The following ACACB variants were observed in gnomAD, a reference collection of about 807,000 sequenced individuals.
ACACB encodes acetyl-CoA carboxylase 2.
Under a neutral mutation model 278.8 loss-of-function variants are expected in ACACB, and 209 were observed. The observed-to-expected ratio is 0.75, with a 90% CI of 0.67 to 0.84. ACACB has a LOEUF of 0.84. Ranked by LOEUF, ACACB falls within the 40% of genes least tolerant of loss-of-function variation. ACACB has a pLI of 0.00. For missense variants in ACACB, 2,850 were observed against 3,269.0 expected (o/e 0.87, Z 3.13); for synonymous variants, 1,174 against 1,285.6 (o/e 0.91, Z 1.86).
chr12:109,238,988 C>T (rs1447723821), intron 34 of ACACB, among the ~76,000 whole-genome samples: 3 of 152,086 alleles, frequency 2.0e-5, no homozygotes, highest in Non-Finnish European at 4.4e-5. Flanking sequence ...GTGATCTTGG[C>T]TCACTACCAC....
At chr12:109,242,371 C>A (rs1414737173) in intron 36 of ACACB, 66 bp from the exon 37 acceptor site, 8 of 1,543,410 alleles carry the variant, frequency 5.2e-6, no homozygotes, top group Non-Finnish European at 7.1e-6. Context: ...GAGGACTGGG[C>A]AGAAATAAAT....
intron 47 of ACACB, chr12:109,260,191 AG>A: frequency 1.4e-6 from 2 of 1,425,222 alleles, no homozygotes; most frequent in Non-Finnish European, 1.9e-6. Context: ...GGGGCAGGGC[AG>A]GGACAGTCAT....
intron 19 of ACACB, 60 bp downstream of exon 19, chr12:109,201,761 G>A: frequency 6.3e-7 from 1 of 1,583,580 alleles, no homozygotes. Context: ...GACCTCCACT[G>A]GTTCAGTGAG....
intron 27 of ACACB, among the ~76,000 whole-genome samples, chr12:109,226,987 G>A (rs1224142799): frequency 6.7e-6 from 1 of 149,458 alleles, no homozygotes; most frequent in Non-Finnish European, 1.5e-5. Context: ...ATTTTTCTCT[G>A]TTGCCCAGGC....
intron 1 of ACACB, among the ~76,000 whole-genome samples, chr12:109,133,760 C>T (rs2042889602): frequency 6.8e-6 from 1 of 148,088 alleles, no homozygotes; most frequent in Non-Finnish European, 1.5e-5. Flanking sequence ...TTCCTGAATG[C>T]AGTTTCAGAA....
intron 28 of ACACB, among the ~76,000 whole-genome samples, chr12:109,228,658 CAA>C (rs887136316): frequency 3.0e-4 from 22 of 72,536 alleles, no homozygotes; most frequent in Admixed American, 8.1e-4. Flanking sequence ...AACTCTGTCT[CAA>C]AAAAAAAAAA....
chr12:109,137,813 G>A (rs772646673), intron 1 of ACACB, among the ~76,000 whole-genome samples: 1 of 151,898 alleles, frequency 6.6e-6, no homozygotes, highest in Non-Finnish European at 1.5e-5. Context: ...TTGAAATAGG[G>A]TCTCACTCTG....
At chr12:109,264,162 A>G in intron 49 of ACACB, 70 bp from the exon 50 acceptor site, 1 of 1,542,816 alleles carries the variant, frequency 6.5e-7, no homozygotes, top group Non-Finnish European at 8.8e-7. Context: ...TTCAAAAAAA[A>G]AAAAAAATCT....
intron 1 of ACACB, among the ~76,000 whole-genome samples, chr12:109,135,956 C>A (rs914936545): frequency 2.0e-5 from 3 of 151,898 alleles, no homozygotes; most frequent in Admixed American, 6.6e-5. Context: ...ACTACAGGTG[C>A]CTGCCACCAT....
Position 109,260,644 on chromosome 12 carries a change from G to C in ACACB, c.6661G>C (p.Asp2221His). 1 of 1,580,406 alleles carries C rather than the reference G, an allele frequency of 6.3e-7. No individual in the cohort carries two copies. The highest frequency in any genetic ancestry group is 8.6e-7 in the Non-Finnish European group (1 of 1,164,036). The change falls in exon 48 of 53, where the codon GAC (aspartate) becomes CAC (histidine). Residue 2221 changes from aspartate (D) to histidine (H), a missense_variant. By Grantham distance (81) the Asp-to-His change is moderately conservative. Around this residue, in one of 3 missense-constraint regions of ACACB, gnomAD observed 579 missense variants for 684.6 expected, o/e 0.85. Coordinates refer to ENST00000338432, the MANE Select transcript of ACACB (RefSeq NM_001093.4). ...INPLCIEMYA[D>H]KESRGGVLEP... ...CCCGCTGTGCATAGAAATGTATGCA[G>C]ACAAAGAGAGCAGGTGGGTGTGTTG...
At chr12:109,228,977 G>T (rs985022485) in intron 28 of ACACB, among the ~76,000 whole-genome samples, 8 of 151,892 alleles carry the variant, frequency 5.3e-5, no homozygotes, top group Admixed American at 2.6e-4. Flanking sequence ...TATTTTTTTT[G>T]AGATGGAGTC....
intron 2 of ACACB, among the ~76,000 whole-genome samples, chr12:109,163,134 A>G (rs914934196): frequency 3.9e-5 from 6 of 152,134 alleles, no homozygotes; most frequent in South Asian, 2.1e-4. Flanking sequence ...CATGTTGTCC[A>G]TGCTGCTCTC....
chr12:109,187,239 C>T (rs969032782), intron 12 of ACACB, among the ~76,000 whole-genome samples: 5 of 151,974 alleles, frequency 3.3e-5, no homozygotes, highest in African/African-American at 1.2e-4. Context: ...CCCAGGATGC[C>T]CTGGATTTCT....
intron 1 of ACACB, among the ~76,000 whole-genome samples, chr12:109,128,329 TTTTTATTTTA>T (rs199506056): frequency 0.017 from 2,565 of 152,052 alleles, 67 homozygotes; most frequent in African/African-American, 0.058. Flanking sequence ...TTTTGGACTT[TTTTTATTTTA>T]TTTTATTTTA....
chr12:109,252,661 G>A (rs2047127537), intron 42 of ACACB: 1 of 186,460 alleles, frequency 5.4e-6, no homozygotes, highest in African/African-American at 2.3e-5. Flanking sequence ...CATCAGATGG[G>A]AACTTGTCAG....
At chr12:109,124,747 C>G (rs2042636429) in intron 1 of ACACB, among the ~76,000 whole-genome samples, 1 of 152,170 alleles carries the variant, frequency 6.6e-6, no homozygotes, top group African/African-American at 2.4e-5. Context: ...CAGGGTCTCT[C>G]TCTGTCATCC....
intron 2 of ACACB, among the ~76,000 whole-genome samples, chr12:109,141,626 C>A (rs945877622): frequency 3.3e-5 from 5 of 152,182 alleles, no homozygotes; most frequent in African/African-American, 1.2e-4. Flanking sequence ...TACTCTCTCC[C>A]AAATTAGAAA....
chr12:109,166,217 T>C (rs2043889527), intron 2 of ACACB, among the ~76,000 whole-genome samples: 1 of 152,236 alleles, frequency 6.6e-6, no homozygotes, highest in African/African-American at 2.4e-5. Context: ...TGTGGACTTC[T>C]TCCCTGATCA....
Position 109,254,319 on chromosome 12 carries a change from G to A in ACACB, c.6151G>A (p.Gly2051Arg). Reference protein sequence around the residue: ...APYDPRWMLAGRPHPTLKGTW... With the variant: ...APYDPRWMLARRPHPTLKGTW... ...CTACGACCCCCGGTGGATGCTTGCA[G>A]GAAGGCCTCACCCAAGTAAGTTCTA... is the stretch of plus-strand genomic sequence containing the variant. The change falls in exon 44 of 53, where the codon GGA becomes AGA. Residue 2051 changes from glycine to arginine, a missense_variant. This residue lies in a region of ACACB where 579 missense variants were observed against 684.6 expected (regional missense o/e 0.85). Transcript: ENST00000338432. 6.2e-7 allele frequency: 1 copy of A among 1,611,598 alleles called. No homozygotes were observed. The highest frequency in any genetic ancestry group is 8.5e-7 in the Non-Finnish European group (1 of 1,179,616).
Sources: allele counts gnomAD v4.1 joint callset (sites outside exome capture counted in the v4.1 genomes callset), GRCh38; gene constraint gnomAD v4.1.1; regional missense constraint gnomAD v4.1.1; transcripts MANE v1.5; gene names NCBI Gene and HGNC (gene_info 2026-07-23, HGNC 2026-07-21).